Variants in EYS observed in about 807,000 individuals in gnomAD.
The protein encoded by EYS is protein eyes shut homolog.
EYS carries 250 observed loss-of-function variants against 282.1 expected under a neutral mutation model. That is an observed-to-expected ratio of 0.89 (90% CI 0.80 to 0.98). The LOEUF (loss-of-function observed/expected upper bound fraction) is 0.98, where lower values mean the gene tolerates loss of function less well. EYS is among the 50% of genes least tolerant of loss of function. The pLI is 0.00. For missense variants in EYS, 4,016 were observed against 3,709.0 expected (o/e 1.08, Z -2.15); for synonymous variants, 1,355 against 1,282.9 (o/e 1.06, Z -1.20).
At chr6:64,661,349 A>C (rs1036052495) in intron 22 of EYS, among the ~76,000 whole-genome samples, 1 of 152,198 alleles carries the variant, frequency 6.6e-6, no homozygotes, top group African/African-American at 2.4e-5. Context: ...TATGTAAAAC[A>C]CCAAAAGCAA....
chr6:65,481,331 T>C (rs1461768568), intron 5 of EYS, among the ~76,000 whole-genome samples: 1 of 144,322 alleles, frequency 6.9e-6, no homozygotes, highest in Non-Finnish European at 1.6e-5. Context: ...TATATGTATA[T>C]CTGTTTAATA....
rs904893837 is a variant in EYS at position 63,983,776 on chromosome 6, T to C, written c.7055+607A>G. On this transcript the variant is annotated intron_variant, in intron 35 of 42. Coordinates refer to ENST00000503581, the MANE Select transcript of EYS (RefSeq NM_001142800.2). ...AAATTGGGAATATGTTTTACACTGT[T>C]CAAATGAGACTCCCTCAGGGTTGAT... is the stretch of plus-strand genomic sequence containing the variant. Among the ~76,000 whole-genome samples the C allele has an allele frequency of 8.6e-5, 13 of 151,878 alleles. No homozygotes were observed. In the East Asian group the frequency reaches 2.5e-3, roughly 30 times the overall value.
Position 65,275,426 on chromosome 6 carries a change from A to G in EYS, c.2023+20437T>C, listed in dbSNP as rs184461086. Among the ~76,000 whole-genome samples the G allele has an allele frequency of 5.4e-4, 83 of 152,296 alleles. 1 individual carries two copies. Among genetic ancestry groups the G allele is most frequent in the African/African-American group, 1.9e-3 (81 of 41,578 alleles). On this transcript the variant is annotated intron_variant, in intron 12 of 42. Coordinates refer to ENST00000503581, the MANE Select transcript of EYS (RefSeq NM_001142800.2). ...ATCAAATGGAAATTTTATGTATGTG[A>G]TTGGGCTTGAGAAGGCCCTGAAGGC...
chr6:65,153,962 A>G (rs1309531137), intron 12 of EYS, among the ~76,000 whole-genome samples: 2 of 151,838 alleles, frequency 1.3e-5, no homozygotes, highest in African/African-American at 4.8e-5. Context: ...TTATTTTGCA[A>G]TTAGCTAATA....
At chr6:65,482,789 A>T (rs1406530148) in intron 5 of EYS, among the ~76,000 whole-genome samples, 2 of 152,176 alleles carry the variant, frequency 1.3e-5, no homozygotes, top group African/African-American at 4.8e-5. Flanking sequence ...AACATCACTC[A>T]TCTTGGATTC....
chr6:65,381,091 T>A (rs1765593174), intron 8 of EYS, among the ~76,000 whole-genome samples: 1 of 152,114 alleles, frequency 6.6e-6, no homozygotes, highest in African/African-American at 2.4e-5. Flanking sequence ...AGAAATACCA[T>A]TTGACCCAGC....
intron 31 of EYS, among the ~76,000 whole-genome samples, chr6:64,117,476 A>G (rs1773427698): frequency 6.6e-6 from 1 of 150,502 alleles, no homozygotes; most frequent in Admixed American, 6.6e-5. Context: ...AGCTGGACTA[A>G]TTAAGAAAAA....
At chr6:65,033,658 C>T (rs1772676015) in intron 13 of EYS, among the ~76,000 whole-genome samples, 1 of 152,150 alleles carries the variant, frequency 6.6e-6, no homozygotes, top group Admixed American at 6.5e-5. Flanking sequence ...TTGGCAGCCT[C>T]CTCCTGGATT....
At chr6:64,409,193 C>G (rs1362968891) in intron 28 of EYS, among the ~76,000 whole-genome samples, 1 of 152,142 alleles carries the variant, frequency 6.6e-6, no homozygotes. Flanking sequence ...ATCCAGTCCA[C>G]TATTAATGGG....
At chr6:64,157,234 T>C (rs1170616257) in intron 31 of EYS, among the ~76,000 whole-genome samples, 2 of 152,134 alleles carry the variant, frequency 1.3e-5, no homozygotes, top group Non-Finnish European at 2.9e-5. Flanking sequence ...CATCATTTCT[T>C]ATGGCTGCAT....
intron 19 of EYS, among the ~76,000 whole-genome samples, chr6:64,874,517 A>C (rs1766685934): frequency 6.6e-6 from 1 of 152,020 alleles, no homozygotes; most frequent in African/African-American, 2.4e-5. Context: ...TCATTATTTT[A>C]GTTTGGATTC....
intron 7 of EYS, among the ~76,000 whole-genome samples, chr6:65,388,090 G>T (rs932313021): frequency 6.6e-6 from 1 of 152,016 alleles, no homozygotes; most frequent in African/African-American, 2.4e-5. Flanking sequence ...TACTTCATAT[G>T]ATGAATTTAT....
intron 31 of EYS, among the ~76,000 whole-genome samples, chr6:64,131,593 A>C (rs775486474): frequency 9.2e-5 from 14 of 152,216 alleles, no homozygotes; most frequent in Non-Finnish European, 1.8e-4. Context: ...CAGGAATATG[A>C]GTACCTTAGG....
chr6:64,155,066 G>A (rs935212574), intron 31 of EYS, among the ~76,000 whole-genome samples: 3 of 152,164 alleles, frequency 2.0e-5, no homozygotes, highest in African/African-American at 7.2e-5. Context: ...GGTCAGTAAG[G>A]CCTTTGGGTA....
At position 64,098,623 on chromosome 6, in the gene EYS, C is replaced by T. The variant is rs3003696; in HGVS notation, c.6425-16621G>A. On this transcript the variant is annotated intron_variant, in intron 31 of 42. Coordinates refer to ENST00000503581, the MANE Select transcript of EYS (RefSeq NM_001142800.2). ...TCTTTCTTTTTTTTTTTTTTTGAGA[C>T]GGAGTCTTGCTCTGTCGCCCAGGCT... 3.3e-3 allele frequency among the ~76,000 whole-genome samples: 476 copies of T among 144,604 alleles called. 2 individuals are homozygous for T. The highest frequency in any genetic ancestry group is 0.011 in the African/African-American group (439 of 38,388). The allele number at this position is 144,604 out of a possible 152,430, so 94.9% of individuals were successfully genotyped here.
rs377713799 is a variant in EYS, at chr6:65,395,524, G to T, written c.1184+6954C>A. On this transcript the variant is annotated intron_variant, in intron 7 of 42. Coordinates refer to ENST00000503581, the MANE Select transcript of EYS (RefSeq NM_001142800.2). ...CTGTCACCTTGCACAGTTATCATTTGTATATGTGGGGGATAGCAGGTAAGA... is the reference window on the plus strand; with the variant it reads ...CTGTCACCTTGCACAGTTATCATTTTTATATGTGGGGGATAGCAGGTAAGA... 1.8e-4 allele frequency among the ~76,000 whole-genome samples: 28 copies of T among 152,246 alleles called. No homozygotes were observed. In the South Asian group the frequency reaches 5.6e-3, roughly 30 times the overall value.
intron 26 of EYS, among the ~76,000 whole-genome samples, chr6:64,516,569 A>G (rs1044201574): frequency 2.0e-5 from 3 of 151,782 alleles, no homozygotes; most frequent in African/African-American, 7.2e-5. Context: ...TTAAAATTAC[A>G]TACTTCACTT....
chr6:64,191,099 A>G (rs183610989), intron 31 of EYS, among the ~76,000 whole-genome samples: 4 of 152,226 alleles, frequency 2.6e-5, no homozygotes, highest in Admixed American at 1.3e-4. Flanking sequence ...AATATTCTGC[A>G]TAGTAATCCT....
intron 36 of EYS, among the ~76,000 whole-genome samples, chr6:63,826,618 G>A (rs1477680216): frequency 6.6e-6 from 1 of 152,076 alleles, no homozygotes; most frequent in African/African-American, 2.4e-5. Flanking sequence ...AATTATCAGC[G>A]AAGAATTTTG....
Sources: allele counts gnomAD v4.1 joint callset (sites outside exome capture counted in the v4.1 genomes callset), GRCh38; gene constraint gnomAD v4.1.1; transcripts MANE v1.5; gene names NCBI Gene and HGNC (gene_info 2026-07-23, HGNC 2026-07-21).